The following LBH variants were observed in gnomAD, a reference collection of about 807,000 sequenced individuals.
The protein encoded by LBH is protein LBH.
A neutral mutation model predicts 12.5 loss-of-function variants in LBH; 7 were observed. The observed-to-expected ratio is 0.56, with a 90% CI of 0.32 to 1.05. The LOEUF (loss-of-function observed/expected upper bound fraction) is 1.05, where lower values mean the gene tolerates loss of function less well. LBH is among the 50% of genes least tolerant of loss of function. The pLI is 0.04. For missense variants in LBH, 119 were observed against 138.9 expected, an observed-to-expected ratio of 0.86 and a Z score of 0.72; for synonymous variants, 51 against 50.1, an observed-to-expected ratio of 1.02 and a Z score of -0.08.
Position 30,257,637 on chromosome 2 carries a change from C to T in LBH, c.*16C>T, listed in dbSNP as rs769671781. 1.9e-6 allele frequency: 3 copies of T among 1,563,854 alleles called. No individual in the cohort carries two copies. Among genetic ancestry groups the T allele is most frequent in the Non-Finnish European group, 2.6e-6 (3 of 1,145,934 alleles). On this transcript the variant is annotated 3_prime_UTR_variant, in exon 3 of 3. Transcript: ENST00000395323. ...AGAGCAGTAGAGTCCCTGTGGACTC[C>T]CATGGGTCATACCAGCCAGCATCTG...
intron 1 of LBH, chr2:30,233,167 G>C (rs537261801): frequency 6.6e-6 from 1 of 152,224 alleles, no homozygotes; most frequent in Non-Finnish European, 1.5e-5. Context: ...AATATTATGA[G>C]AAATTAAGGT....
intron 2 of LBH, among the ~76,000 whole-genome samples, chr2:30,255,631 C>T (rs1025527754): frequency 1.3e-5 from 2 of 152,226 alleles, no homozygotes; most frequent in Admixed American, 6.5e-5. Context: ...GGAAGCCCCA[C>T]GTGGCCTGTG....
chr2:30,257,750 AC>A lies in LBH; in HGVS notation c.*131del. The A allele has an allele frequency of 1.6e-6, 1 of 633,102 alleles. No homozygotes were observed. Among genetic ancestry groups the A allele is most frequent in the Non-Finnish European group, 2.5e-6 (1 of 396,196 alleles). 39.2% of individuals were successfully genotyped at this position (633,102 alleles called of 1,614,324 possible). ...ATGTCAAACGAGGCTTCTGTTTTGC[AC>A]CTGCAGATCACCGAGTTGGTTTTCT... On this transcript the variant is annotated 3_prime_UTR_variant, in exon 3 of 3. Transcript: ENST00000395323.
intron 2 of LBH, among the ~76,000 whole-genome samples, chr2:30,242,823 G>A (rs1337867748): frequency 6.6e-6 from 1 of 152,100 alleles, no homozygotes; most frequent in Non-Finnish European, 1.5e-5. Flanking sequence ...GGCATATTAT[G>A]TTCTTACAAA....
At chr2:30,248,061 A>G (rs1053170863) in intron 2 of LBH, among the ~76,000 whole-genome samples, 1 of 152,212 alleles carries the variant, frequency 6.6e-6, no homozygotes, top group African/African-American at 2.4e-5. Context: ...GGCTAAATAG[A>G]ATATGCCTGA....
At chr2:30,249,764 G>A (rs1195328690) in intron 2 of LBH, among the ~76,000 whole-genome samples, 1 of 152,190 alleles carries the variant, frequency 6.6e-6, no homozygotes, top group East Asian at 1.9e-4. Context: ...GCTGCTGGGG[G>A]ACCCCAGCTT....
intron 1 of LBH, chr2:30,232,826 C>T (rs1677617692): frequency 6.6e-6 from 1 of 152,368 alleles, no homozygotes; most frequent in Non-Finnish European, 1.5e-5. Context: ...CGCCAGCAGC[C>T]TTTCCAAGAC....
At chr2:30,239,175 C>T (rs1040200471) in intron 2 of LBH, among the ~76,000 whole-genome samples, 16 of 152,288 alleles carry the variant, frequency 1.1e-4, no homozygotes, top group African/African-American at 3.6e-4. Context: ...CGAAGTTAGG[C>T]GGTAGCTCGG....
At chr2:30,232,316 C>G (rs1014774841) in intron 1 of LBH, 1 of 1,384,102 alleles carries the variant, frequency 7.2e-7, no homozygotes, top group Non-Finnish European at 9.6e-7. Flanking sequence ...TGCAGCCTCT[C>G]AACCCCTGCC....
At chr2:30,250,784 G>A (rs190667506) in intron 2 of LBH, among the ~76,000 whole-genome samples, 17 of 152,034 alleles carry the variant, frequency 1.1e-4, no homozygotes, top group Non-Finnish European at 2.1e-4. Context: ...GTCTCCAGAA[G>A]CTCACCCTCA....
At chr2:30,238,413 C>T (rs1677727249) in intron 2 of LBH, among the ~76,000 whole-genome samples, 1 of 152,244 alleles carries the variant, frequency 6.6e-6, no homozygotes. Context: ...CTCTAATCAG[C>T]ACACGTCCCT....
chr2:30,240,487 G>GA (rs1677772999), intron 2 of LBH, among the ~76,000 whole-genome samples: 1 of 152,126 alleles, frequency 6.6e-6, no homozygotes, highest in African/African-American at 2.4e-5. Flanking sequence ...ACTTGCTGGG[G>GA]GCTTCATTCC....
At chr2:30,245,856 T>C (rs1677860903) in intron 2 of LBH, among the ~76,000 whole-genome samples, 1 of 152,172 alleles carries the variant, frequency 6.6e-6, no homozygotes, top group African/African-American at 2.4e-5. Context: ...ACCTGTTCTT[T>C]CCCTACCTAT....
intron 2 of LBH, among the ~76,000 whole-genome samples, chr2:30,241,141 A>G (rs954454902): frequency 3.9e-5 from 6 of 152,226 alleles, no homozygotes; most frequent in Non-Finnish European, 7.3e-5. Flanking sequence ...CACTAGATGT[A>G]GCCCTGCATA....
chr2:30,254,023 G>A (rs574946129), intron 2 of LBH, among the ~76,000 whole-genome samples: 5 of 152,220 alleles, frequency 3.3e-5, no homozygotes, highest in South Asian at 2.1e-4. Flanking sequence ...TCCCAGGTGC[G>A]TGGCTTTGAG....
intron 2 of LBH, 132 bp downstream of exon 2, chr2:30,234,639 A>T: frequency 1.6e-6 from 1 of 616,620 alleles, no homozygotes. Flanking sequence ...CCCTAATGCC[A>T]GTAAGCCTCA....
intron 2 of LBH, among the ~76,000 whole-genome samples, chr2:30,249,015 G>C (rs942973211): frequency 2.0e-5 from 3 of 152,210 alleles, no homozygotes; most frequent in Non-Finnish European, 4.4e-5. Context: ...GCAGAACAGA[G>C]TGAGGTGGAT....
chr2:30,238,981 C>T (rs1462438801), intron 2 of LBH, among the ~76,000 whole-genome samples: 1 of 151,102 alleles, frequency 6.6e-6, no homozygotes, highest in East Asian at 2.0e-4. Flanking sequence ...CCTCCACTTC[C>T]CGGGTTCAAG....
At chr2:30,236,194 C>T (rs1415690090) in intron 2 of LBH, among the ~76,000 whole-genome samples, 1 of 152,222 alleles carries the variant, frequency 6.6e-6, no homozygotes, top group Non-Finnish European at 1.5e-5. Context: ...TAAATACATC[C>T]CAGGATAAAG....
Sources: allele counts gnomAD v4.1 joint callset (sites outside exome capture counted in the v4.1 genomes callset), GRCh38; gene constraint gnomAD v4.1.1; transcripts MANE v1.5; gene names NCBI Gene and HGNC (gene_info 2026-07-23, HGNC 2026-07-21).